Variants in SEMA6D observed in about 807,000 individuals in gnomAD.
SEMA6D encodes the protein semaphorin 6D.
SEMA6D carries 35 observed loss-of-function variants against 106.6 expected under a neutral mutation model. The ratio of observed to expected loss-of-function variants is 0.33; its 90% confidence interval spans 0.25 to 0.44. The LOEUF (loss-of-function observed/expected upper bound fraction) is 0.44. SEMA6D is among the 20% of genes least tolerant of loss of function. The pLI is 1.00. For synonymous variants in SEMA6D, 499 were observed against 487.7 expected (o/e 1.02, Z -0.31); for missense variants, 1,185 against 1,345.9 (o/e 0.88, Z 1.87).
chr15:47,696,572 G>A (rs1325041688), intron 4 of SEMA6D, among the ~76,000 whole-genome samples: 2 of 152,166 alleles, frequency 1.3e-5, no homozygotes, highest in Non-Finnish European at 2.9e-5. Flanking sequence ...TGCAGGGAGT[G>A]GTAAGGACCT....
chr15:47,771,138 C>A lies in SEMA6D; in HGVS notation c.2575C>A (p.Pro859Thr). 1 of 1,614,072 alleles carries A rather than the reference C, an allele frequency of 6.2e-7. No individual in the cohort carries two copies. The highest frequency in any genetic ancestry group is 8.5e-7 in the Non-Finnish European group (1 of 1,179,998). Reference protein sequence around the residue: ...AEKKLQNIDHPLTKSSSKRDH... With the variant: ...AEKKLQNIDHTLTKSSSKRDH... ...AAAGAAGCTTCAAAACATTGATCAC[C>A]CTCTCACAAAGTCATCCAGTAAGAG... Residue 859 changes from proline to threonine, a missense_variant, in exon 19 of 19, where the codon CCT (proline) becomes ACT (threonine). By Grantham distance (38) the Pro-to-Thr change is conservative. Around this residue, in one of 3 missense-constraint regions of SEMA6D, gnomAD observed 750 missense variants for 783.5 expected, o/e 0.96. Coordinates refer to ENST00000536845, the MANE Select transcript of SEMA6D (RefSeq NM_001358351.3).
At chr15:47,619,432 G>T (rs1051882157) in intron 4 of SEMA6D, among the ~76,000 whole-genome samples, 1 of 152,242 alleles carries the variant, frequency 6.6e-6, no homozygotes, top group African/African-American at 2.4e-5. Context: ...GCAGGCCAGA[G>T]CCCAGGTATG....
chr15:47,308,485 G>A (rs891206796), intron 1 of SEMA6D, among the ~76,000 whole-genome samples: 3 of 152,164 alleles, frequency 2.0e-5, no homozygotes, highest in African/African-American at 7.2e-5. Flanking sequence ...AATAAGTGAA[G>A]ATTTGAGTAG....
intron 2 of SEMA6D, among the ~76,000 whole-genome samples, chr15:47,466,975 G>A (rs919523551): frequency 1.3e-5 from 2 of 148,936 alleles, no homozygotes; most frequent in Non-Finnish European, 3.0e-5. Flanking sequence ...ATGATCTACC[G>A]ACCTTGGCCT....
intron 2 of SEMA6D, among the ~76,000 whole-genome samples, chr15:47,418,200 G>A (rs1164829865): frequency 6.6e-6 from 1 of 152,062 alleles, no homozygotes; most frequent in Non-Finnish European, 1.5e-5. Context: ...ATCTGAGGAA[G>A]ATTGTTCTAG....
intron 3 of SEMA6D, among the ~76,000 whole-genome samples, chr15:47,587,124 C>A (rs2076355888): frequency 6.6e-6 from 1 of 152,122 alleles, no homozygotes; most frequent in African/African-American, 2.4e-5. Context: ...AAGCCTCTTT[C>A]TGGGGCTGGA....
intron 1 of SEMA6D, chr15:47,339,080 G>C (rs753516849): frequency 1.3e-5 from 2 of 152,242 alleles, no homozygotes; most frequent in Non-Finnish European, 2.9e-5. Context: ...ACTGGGTTTG[G>C]AGAGCTGCTG....
intron 1 of SEMA6D, among the ~76,000 whole-genome samples, chr15:47,348,833 T>G (rs2038194803): frequency 6.6e-6 from 1 of 151,448 alleles, no homozygotes; most frequent in South Asian, 2.1e-4. Context: ...CGGAGAGCTT[T>G]TAAGAGGAGT....
chr15:47,317,186 G>A (rs570306327), intron 1 of SEMA6D, among the ~76,000 whole-genome samples: 1 of 152,208 alleles, frequency 6.6e-6, no homozygotes, highest in Admixed American at 6.5e-5. Flanking sequence ...TACCAAATTT[G>A]TGGGCATGAA....
chr15:47,544,900 G>T (rs941386048), intron 3 of SEMA6D, among the ~76,000 whole-genome samples: 3 of 152,044 alleles, frequency 2.0e-5, no homozygotes, highest in African/African-American at 7.2e-5. Flanking sequence ...TAAACGATAT[G>T]AATGGCTATG....
intron 3 of SEMA6D, among the ~76,000 whole-genome samples, chr15:47,572,856 ATGT>A (rs1444936909): frequency 6.6e-6 from 1 of 152,162 alleles, no homozygotes; most frequent in Non-Finnish European, 1.5e-5. Context: ...GCCAGATACT[ATGT>A]TAGGTTTTAA....
chr15:47,204,821 G>A (rs1243159303), intron 1 of SEMA6D, among the ~76,000 whole-genome samples: 1 of 152,048 alleles, frequency 6.6e-6, no homozygotes, highest in African/African-American at 2.4e-5. Flanking sequence ...GTTTATGGTT[G>A]TTTTTAGGGA....
rs558339391 is a variant in SEMA6D at position 47,766,224 on chromosome 15, T to C, written c.1646+42T>C. On this transcript the variant is annotated intron_variant, in intron 15 of 18. Transcript: ENST00000536845. Reference sequence around the variant, plus strand: ...ACATGAGCTAGGATGAACTATCCTCTCCAGGGTCTCTAAAGCTAGAAATTG... The same window carrying C: ...ACATGAGCTAGGATGAACTATCCTCCCCAGGGTCTCTAAAGCTAGAAATTG... The C allele has an allele frequency of 7.2e-6, 11 of 1,526,072 alleles. No homozygotes were observed. The African/African-American group carries it at 1.5e-4, about 21-fold the overall frequency. 94.5% of individuals were successfully genotyped at this position (1,526,072 alleles called of 1,614,324 possible).
chr15:47,462,118 T>C (rs1298210839), intron 2 of SEMA6D, among the ~76,000 whole-genome samples: 1 of 152,240 alleles, frequency 6.6e-6, no homozygotes, highest in East Asian at 1.9e-4. Context: ...CAGTGTGATA[T>C]ACTCTTCCCA....
intron 3 of SEMA6D, among the ~76,000 whole-genome samples, chr15:47,545,445 T>A (rs573564369): frequency 1.2e-4 from 19 of 152,094 alleles, no homozygotes; most frequent in Non-Finnish European, 2.1e-4. Flanking sequence ...AACCACATTA[T>A]AATTTGTGTC....
intron 3 of SEMA6D, among the ~76,000 whole-genome samples, chr15:47,567,735 C>T (rs1044434343): frequency 3.9e-5 from 6 of 152,064 alleles, no homozygotes; most frequent in African/African-American, 9.7e-5. Flanking sequence ...TTTGTCTTCC[C>T]GCACTGAAGT....
rs3743286 is a variant in SEMA6D, at chr15:47,773,595, A to C, written c.*1810A>C. On this transcript the variant is annotated 3_prime_UTR_variant, in exon 19 of 19. Transcript: ENST00000536845. ...TATTACTTGGGGGAGGACATGTTGCAGAAGACCAGATCATTTTTATACAGA... is the reference window on the plus strand; with the variant it reads ...TATTACTTGGGGGAGGACATGTTGCCGAAGACCAGATCATTTTTATACAGA... The C allele has an allele frequency of 1.3e-5, 2 of 152,232 alleles. No individual in the cohort carries two copies. The highest frequency in any genetic ancestry group is 2.9e-5 in the Non-Finnish European group (2 of 68,008). 9.4% of individuals were successfully genotyped at this position (152,232 alleles called of 1,614,324 possible). A position where few individuals can be genotyped will look rare whatever the true frequency, so the allele number is the denominator to read the frequency against.
In SEMA6D at chr15:47,650,918, T is replaced by C. The variant is rs767803639; in HGVS notation, c.-55+50022T>C. 6.6e-5 allele frequency among the ~76,000 whole-genome samples: 10 copies of C among 152,338 alleles called. No homozygotes were observed. In the East Asian group the frequency reaches 1.4e-3, roughly 21 times the overall value. On this transcript the variant is annotated intron_variant, in intron 4 of 19. Transcript: ENST00000558014. ...AGTCAGTGCTGATCACACTGCATCA[T>C]TGATTCATTAGACCAGTCAGTGTTT...
intron 3 of SEMA6D, among the ~76,000 whole-genome samples, chr15:47,519,655 G>A (rs1008893484): frequency 1.3e-5 from 2 of 152,186 alleles, no homozygotes; most frequent in Non-Finnish European, 2.9e-5. Flanking sequence ...CTTCTGGCCT[G>A]AGACCGGGTC....
Sources: allele counts gnomAD v4.1 joint callset (sites outside exome capture counted in the v4.1 genomes callset), GRCh38; gene constraint gnomAD v4.1.1; regional missense constraint gnomAD v4.1.1; transcripts MANE v1.5; gene names NCBI Gene and HGNC (gene_info 2026-07-23, HGNC 2026-07-21).